XKR4: variants seen among roughly 807,000 people sequenced by gnomAD.
XKR4 encodes XK related 4, also known as XK-related protein 4.
In XKR4, 12 loss-of-function variants were observed where a neutral mutation model predicts 53.9. The observed-to-expected ratio is 0.22, with a 90% CI of 0.14 to 0.36. XKR4 has a LOEUF of 0.36. XKR4 is among the 10% of genes least tolerant of loss of function. The pLI is 1.00. For synonymous variants in XKR4, 354 were observed against 362.4 expected, an observed-to-expected ratio of 0.98 and a Z score of 0.26; for missense variants, 799 against 859.5, an observed-to-expected ratio of 0.93 and a Z score of 0.88.
chr8:55,482,833 A>T (rs938577194), intron 2 of XKR4, among the ~76,000 whole-genome samples: 1 of 152,302 alleles, frequency 6.6e-6, no homozygotes, highest in Non-Finnish European at 1.5e-5. Context: ...ATTATTTAGC[A>T]GGCCTCAATT....
intron 1 of XKR4, among the ~76,000 whole-genome samples, chr8:55,157,863 T>C (rs911026998): frequency 6.6e-6 from 1 of 152,218 alleles, no homozygotes. Context: ...CTCTCTCTCT[T>C]TTTTATGGCT....
intron 1 of XKR4, among the ~76,000 whole-genome samples, chr8:55,316,986 C>A (rs954234068): frequency 5.9e-5 from 9 of 152,110 alleles, no homozygotes; most frequent in African/African-American, 1.9e-4. Flanking sequence ...GGCTGGGAAG[C>A]TTTTAATAAA....
intron 1 of XKR4, among the ~76,000 whole-genome samples, chr8:55,240,274 C>T (rs1194618422): frequency 1.3e-5 from 2 of 152,054 alleles, no homozygotes; most frequent in African/African-American, 4.8e-5. Context: ...TATAAAAACA[C>T]AGATCAAATA....
At chr8:55,341,840 C>T (rs114570086) in intron 1 of XKR4, among the ~76,000 whole-genome samples, 2 of 151,872 alleles carry the variant, frequency 1.3e-5, no homozygotes, top group South Asian at 4.2e-4. Context: ...AAGCATGGTG[C>T]CTTTTGAAGT....
chr8:55,417,821 T>G (rs1053682145), intron 2 of XKR4, among the ~76,000 whole-genome samples: 1 of 152,078 alleles, frequency 6.6e-6, no homozygotes, highest in Non-Finnish European at 1.5e-5. Context: ...ATGATCTAGT[T>G]GGGGAGATCA....
intron 2 of XKR4, among the ~76,000 whole-genome samples, chr8:55,521,844 T>C (rs565275642): frequency 6.6e-6 from 1 of 152,322 alleles, no homozygotes; most frequent in Admixed American, 6.5e-5. Flanking sequence ...TATTTTTGAA[T>C]AAAAAGTACC....
intron 1 of XKR4, among the ~76,000 whole-genome samples, chr8:55,354,972 C>T (rs1242197723): frequency 1.3e-4 from 20 of 149,640 alleles, no homozygotes; most frequent in African/African-American, 3.9e-4. Flanking sequence ...GACATGATCT[C>T]GGCTCACTGC....
intron 1 of XKR4, among the ~76,000 whole-genome samples, chr8:55,331,437 G>A (rs938472032): frequency 6.6e-6 from 1 of 152,134 alleles, no homozygotes; most frequent in African/African-American, 2.4e-5. Flanking sequence ...CCGTTGTTGG[G>A]TGGAGTTCAA....
At chr8:55,498,489 G>A (rs974470451) in intron 2 of XKR4, among the ~76,000 whole-genome samples, 2 of 152,164 alleles carry the variant, frequency 1.3e-5, no homozygotes, top group East Asian at 1.9e-4. Context: ...GTGAAACGGG[G>A]TGATGCAGGG....
At chr8:55,334,955 CT>C (rs1803438217) in intron 1 of XKR4, among the ~76,000 whole-genome samples, 1 of 152,160 alleles carries the variant, frequency 6.6e-6, no homozygotes, top group Non-Finnish European at 1.5e-5. Context: ...CATCCATAGG[CT>C]TTGGATCAGC....
intron 1 of XKR4, among the ~76,000 whole-genome samples, chr8:55,279,887 C>T (rs1818814667): frequency 6.6e-6 from 1 of 152,132 alleles, no homozygotes; most frequent in South Asian, 2.1e-4. Flanking sequence ...CAGAATAAAG[C>T]CATACATTTG....
intron 2 of XKR4, among the ~76,000 whole-genome samples, chr8:55,409,376 A>G (rs1422610150): frequency 1.3e-5 from 2 of 152,200 alleles, no homozygotes; most frequent in South Asian, 2.1e-4. Flanking sequence ...TTATAAGGAC[A>G]TCCAGACATT....
At chr8:55,326,033 G>A (rs929632760) in intron 1 of XKR4, among the ~76,000 whole-genome samples, 1 of 152,236 alleles carries the variant, frequency 6.6e-6, no homozygotes, top group Non-Finnish European at 1.5e-5. Flanking sequence ...TGTTTAGCCT[G>A]TGATTTTGAA....
chr8:55,293,557 G>T (rs1819061487), intron 1 of XKR4, among the ~76,000 whole-genome samples: 1 of 151,970 alleles, frequency 6.6e-6, no homozygotes, highest in Non-Finnish European at 1.5e-5. Context: ...TAAGTTTTGA[G>T]AAACACTTTA....
intron 1 of XKR4, among the ~76,000 whole-genome samples, chr8:55,254,484 A>G (rs752451995): frequency 2.6e-5 from 4 of 152,144 alleles, no homozygotes; most frequent in Non-Finnish European, 4.4e-5. Flanking sequence ...CAAAATCTAT[A>G]AATGACCTTT....
At chr8:55,108,675 T>C (rs760872099) in intron 1 of XKR4, among the ~76,000 whole-genome samples, 1 of 152,216 alleles carries the variant, frequency 6.6e-6, no homozygotes, top group Non-Finnish European at 1.5e-5. Flanking sequence ...TTTCTTAGGA[T>C]ACAGTGGTTT....
intron 1 of XKR4, among the ~76,000 whole-genome samples, chr8:55,203,331 C>T (rs1335132853): frequency 6.6e-6 from 1 of 152,170 alleles, no homozygotes; most frequent in African/African-American, 2.4e-5. Context: ...GGGAAGGGTT[C>T]GCAAAGGTGG....
Position 55,498,271 on chromosome 8 carries a change from G to A in XKR4, c.1007-25010G>A, listed in dbSNP as rs563103869. Among the ~76,000 whole-genome samples, 7 of 152,298 alleles carry A rather than the reference G, an allele frequency of 4.6e-5. No homozygotes were observed. The East Asian group carries it at 1.4e-3, about 30-fold the overall frequency. ...CTGGACTAACCCGGTCCCACTGCTAGGGAAGACGGATCCCCATGGTCGCCT... is the reference window on the plus strand; with the variant it reads ...CTGGACTAACCCGGTCCCACTGCTAAGGAAGACGGATCCCCATGGTCGCCT... On this transcript the variant is annotated intron_variant, in intron 2 of 2. Coordinates refer to ENST00000327381, the MANE Select transcript of XKR4 (RefSeq NM_052898.2).
At chr8:55,221,675 C>T (rs1195250410) in intron 1 of XKR4, among the ~76,000 whole-genome samples, 1 of 152,222 alleles carries the variant, frequency 6.6e-6, no homozygotes, top group African/African-American at 2.4e-5. Flanking sequence ...CTTCAGCAAC[C>T]TCCCCAGTGC....
Sources: gnomAD v4.1 joint callset for allele counts (sites outside exome capture counted in the v4.1 genomes callset) on GRCh38, gnomAD v4.1.1 for gene constraint, MANE v1.5 for transcripts, NCBI Gene and HGNC (gene_info 2026-07-23, HGNC 2026-07-21) for gene names.